HSD17B12: variants seen among roughly 807,000 people sequenced by gnomAD.
HSD17B12 encodes hydroxysteroid 17-beta dehydrogenase 12, also known as very-long-chain 3-oxoacyl-CoA reductase.
HSD17B12 carries 32 observed loss-of-function variants against 39.3 expected under a neutral mutation model. The observed-to-expected ratio is 0.81, with a 90% confidence interval of 0.61 to 1.09. The LOEUF is 1.09. Among genes scored for constraint, HSD17B12 ranks in the 50% least tolerant of loss-of-function variants. The pLI, the probability that HSD17B12 is intolerant of heterozygous loss-of-function variation, is 0.00. For synonymous variants in HSD17B12, 150 were observed against 146.7 expected, an observed-to-expected ratio of 1.02 and a Z score of -0.16; for missense variants, 342 against 382.9, an observed-to-expected ratio of 0.89 and a Z score of 0.89.
chr11:43,777,360 T>G (rs1481698336), intron 3 of HSD17B12, among the ~76,000 whole-genome samples: 1 of 152,200 alleles, frequency 6.6e-6, no homozygotes, highest in African/African-American at 2.4e-5. Context: ...TTTATTCTCT[T>G]TGAAGCAATT....
At chr11:43,774,389 G>A (rs1590288085) in intron 3 of HSD17B12, among the ~76,000 whole-genome samples, 2 of 151,852 alleles carry the variant, frequency 1.3e-5, no homozygotes, top group South Asian at 4.2e-4. Context: ...AATTTTTTGT[G>A]TTTTTAGTAG....
At chr11:43,827,115 A>G (rs893391986) in intron 6 of HSD17B12, among the ~76,000 whole-genome samples, 1 of 152,104 alleles carries the variant, frequency 6.6e-6, no homozygotes, top group African/African-American at 2.4e-5. Flanking sequence ...CAAAGTGGCT[A>G]TTTGTGGTAT....
the HSD17B12 span, among the ~76,000 whole-genome samples, chr11:43,663,224 G>A: frequency 2.9e-3 from 437 of 152,106 alleles, 8 homozygotes; most frequent in East Asian, 0.073. Flanking sequence ...CTCAGAACTC[G>A]CAAGTAGCTG....
At chr11:43,806,207 G>T (rs189938779) in intron 4 of HSD17B12, 1 of 152,302 alleles carries the variant, frequency 6.6e-6, no homozygotes, top group East Asian at 1.9e-4. Context: ...TGGCCATGTG[G>T]TTTAACTTGA....
chr11:43,685,716 A>G (rs1422199381), intron 1 of HSD17B12, among the ~76,000 whole-genome samples: 9 of 152,232 alleles, frequency 5.9e-5, no homozygotes, highest in Admixed American at 5.9e-4. Flanking sequence ...CGTACACTGT[A>G]TGTTGGTGAT....
chr11:43,799,206 G>A (rs1013104602), intron 4 of HSD17B12, among the ~76,000 whole-genome samples: 8 of 151,058 alleles, frequency 5.3e-5, no homozygotes, highest in Admixed American at 2.7e-4. Flanking sequence ...GTATAGATCC[G>A]ATTATGTACT....
At chr11:43,685,981 A>G (rs1385596939) in intron 1 of HSD17B12, among the ~76,000 whole-genome samples, 1 of 152,234 alleles carries the variant, frequency 6.6e-6, no homozygotes, top group African/African-American at 2.4e-5. Context: ...GCAACCATAA[A>G]TCTTGTCGTA....
At chr11:43,658,858 G>T in the HSD17B12 span, among the ~76,000 whole-genome samples, 1 of 152,238 alleles carries the variant, frequency 6.6e-6, no homozygotes, top group Non-Finnish European at 1.5e-5. Context: ...ACTTGAGGAG[G>T]CAGTCTGCCC....
intron 1 of HSD17B12, among the ~76,000 whole-genome samples, chr11:43,749,291 A>G (rs1426447023): frequency 1.3e-5 from 2 of 152,180 alleles, no homozygotes; most frequent in Non-Finnish European, 2.9e-5. Context: ...CATATTAACA[A>G]ATTTTATTAT....
Position 43,815,424 on chromosome 11 carries a change from T to C in HSD17B12, c.392-13T>C, listed in dbSNP as rs1951112764. 1 of 1,522,704 alleles carries C rather than the reference T, an allele frequency of 6.6e-7. No individual in the cohort carries two copies. The highest frequency in any genetic ancestry group is 9.0e-7 in the Non-Finnish European group (1 of 1,111,614). The allele number at this position is 1,522,704 out of a possible 1,614,324, so 94.3% of individuals were successfully genotyped here. A position where few individuals can be genotyped will look rare whatever the true frequency, so the allele number is the denominator to read the frequency against. ...GCATATGTTACTCAGCTAATCATCT[T>C]GTTCTATTTCAGTGAACAACGTGGG... On this transcript the variant is annotated splice_polypyrimidine_tract_variant and intron_variant, in intron 4 of 10. Transcript: ENST00000278353.
intron 1 of HSD17B12, among the ~76,000 whole-genome samples, chr11:43,710,284 A>C (rs1488310361): frequency 6.6e-6 from 1 of 152,176 alleles, no homozygotes; most frequent in South Asian, 2.1e-4. Context: ...ACCTTTTTAC[A>C]GTTAGAGTGA....
chr11:43,606,855 C>T, the HSD17B12 span, among the ~76,000 whole-genome samples: 1 of 152,214 alleles, frequency 6.6e-6, no homozygotes, highest in African/African-American at 2.4e-5. Flanking sequence ...TAGAGAATTA[C>T]AGGCACCCAC....
In HSD17B12 at chr11:43,855,409, G is replaced by A. The variant is rs560951749; in HGVS notation, c.*161G>A. 25 of 446,900 alleles carry A rather than the reference G, an allele frequency of 5.6e-5. No homozygotes were observed. The South Asian group carries it at 7.0e-4, about 13-fold the overall frequency. The allele number at this position is 446,900 out of a possible 1,614,324, so 27.7% of individuals were successfully genotyped here. On this transcript the variant is annotated 3_prime_UTR_variant, in exon 11 of 11. Coordinates refer to ENST00000278353, the MANE Select transcript of HSD17B12 (RefSeq NM_016142.3). ...GAGGAAAATAGAAGTTGCTTTTAGGGGTTTCTGACATATATTCTGGATACT... is the reference window on the plus strand; with the variant it reads ...GAGGAAAATAGAAGTTGCTTTTAGGAGTTTCTGACATATATTCTGGATACT...
At chr11:43,572,381 T>C in the HSD17B12 span, among the ~76,000 whole-genome samples, 1 of 152,254 alleles carries the variant, frequency 6.6e-6, no homozygotes, top group African/African-American at 2.4e-5. Context: ...ATTCAGAAAA[T>C]GTCTGAGAAA....
the HSD17B12 span, among the ~76,000 whole-genome samples, chr11:43,663,944 C>T: frequency 9.2e-5 from 14 of 151,960 alleles, no homozygotes; most frequent in South Asian, 2.9e-3. Context: ...CTCACTGCAA[C>T]CTCTGCCTCC....
chr11:43,820,604 T>C (rs1173636293), intron 6 of HSD17B12, among the ~76,000 whole-genome samples: 1 of 152,204 alleles, frequency 6.6e-6, no homozygotes, highest in African/African-American at 2.4e-5. Flanking sequence ...AACTGGGGCA[T>C]GGATGTCTGC....
At chr11:43,593,386 A>G in the HSD17B12 span, among the ~76,000 whole-genome samples, 1 of 152,226 alleles carries the variant, frequency 6.6e-6, no homozygotes, top group African/African-American at 2.4e-5. Context: ...GGTTACCGTC[A>G]AATCTGAACT....
At chr11:43,767,954 AAACATACTCCTCACATG>A (rs1278691268) in intron 3 of HSD17B12, among the ~76,000 whole-genome samples, 1 of 152,242 alleles carries the variant, frequency 6.6e-6, no homozygotes, top group African/African-American at 2.4e-5. Context: ...CATGTTTGGA[AAACATACTCCTCACATG>A]ATTTAAAAGG....
intron 6 of HSD17B12, among the ~76,000 whole-genome samples, chr11:43,826,866 C>T (rs1318880205): frequency 6.6e-6 from 1 of 152,206 alleles, no homozygotes. Context: ...GAGTTACCAT[C>T]TAATTTCTCC....
Sources: gnomAD v4.1 joint callset for allele counts (sites outside exome capture counted in the v4.1 genomes callset) on GRCh38, gnomAD v4.1.1 for gene constraint, MANE v1.5 for transcripts, NCBI Gene and HGNC (gene_info 2026-07-23, HGNC 2026-07-21) for gene names.